Variants in MTAP observed in about 807,000 individuals in gnomAD.
MTAP encodes S-methyl-5'-thioadenosine phosphorylase.
A neutral mutation model predicts 33.6 loss-of-function variants in MTAP; 33 were observed. The observed-to-expected ratio is 0.98, with a 90% CI of 0.74 to 1.31. The LOEUF is 1.31. Ranked by LOEUF, MTAP falls within the 40% of genes most tolerant of loss-of-function variation. MTAP has a pLI of 0.00. For missense variants in MTAP, 367 were observed against 360.0 expected, an observed-to-expected ratio of 1.02 and a Z score of -0.16; for synonymous variants, 148 against 125.7, an observed-to-expected ratio of 1.18 and a Z score of -1.19.
intron 1 of MTAP, among the ~76,000 whole-genome samples, chr9:21,923,046 G>A (rs1296805130): frequency 6.6e-6 from 1 of 152,156 alleles, no homozygotes; most frequent in Non-Finnish European, 1.5e-5. Flanking sequence ...TACCTCAGGG[G>A]CAAGTCTGTC....
At chr9:21,835,995 T>C (rs1051158346) in intron 4 of MTAP, among the ~76,000 whole-genome samples, 1 of 152,084 alleles carries the variant, frequency 6.6e-6, no homozygotes, top group Non-Finnish European at 1.5e-5. Context: ...AGCCCTTGCT[T>C]CTCCCCCAGG....
intron 1 of MTAP, among the ~76,000 whole-genome samples, chr9:21,899,931 A>G (rs1321655685): frequency 6.6e-6 from 1 of 152,218 alleles, no homozygotes; most frequent in Non-Finnish European, 1.5e-5. Flanking sequence ...CAATGGGGAA[A>G]GGACTCCCTA....
intron 1 of MTAP, among the ~76,000 whole-genome samples, chr9:21,885,519 A>G (rs1488342915): frequency 6.6e-6 from 1 of 152,016 alleles, no homozygotes; most frequent in Admixed American, 6.6e-5. Flanking sequence ...TGGTACACCC[A>G]TCACCCAAGC....
intron 1 of MTAP, among the ~76,000 whole-genome samples, chr9:21,898,313 C>T (rs976731235): frequency 6.6e-5 from 10 of 152,134 alleles, no homozygotes; most frequent in Non-Finnish European, 1.3e-4. Context: ...ATTCAGGACA[C>T]AGGCATGGGC....
chr9:21,898,370 A>C (rs1362889941), intron 1 of MTAP, among the ~76,000 whole-genome samples: 8 of 152,244 alleles, frequency 5.3e-5, no homozygotes, highest in Non-Finnish European at 1.0e-4. Flanking sequence ...ACAAAAGCCA[A>C]AATTGACAAA....
At chr9:21,916,051 A>AGAGG (rs201860768) in intron 1 of MTAP, among the ~76,000 whole-genome samples, 12 of 113,304 alleles carry the variant, frequency 1.1e-4, no homozygotes, top group South Asian at 3.6e-4. Context: ...AGAAGGAGAG[A>AGAGG]GAGGGAGGGA....
intron 3 of MTAP, among the ~76,000 whole-genome samples, chr9:21,817,171 G>T (rs932394548): frequency 1.3e-5 from 2 of 152,214 alleles, no homozygotes; most frequent in African/African-American, 4.8e-5. Context: ...GGTTACTTGT[G>T]TCTGTGCTGT....
intron 4 of MTAP, among the ~76,000 whole-genome samples, chr9:21,833,529 T>G (rs1825024722): frequency 6.6e-6 from 1 of 152,222 alleles, no homozygotes; most frequent in Non-Finnish European, 1.5e-5. Flanking sequence ...GATGTTTCTG[T>G]CAGAATTTTT....
At chr9:21,811,876 C>T (rs1027810920) in intron 1 of MTAP, 2 of 409,954 alleles carry the variant, frequency 4.9e-6, no homozygotes, top group African/African-American at 4.1e-5. Flanking sequence ...ATCTTTAGCC[C>T]TGAGGGTGGG....
chr9:21,858,319 T>TA (rs1825680967), intron 6 of MTAP, among the ~76,000 whole-genome samples: 1 of 152,210 alleles, frequency 6.6e-6, no homozygotes, highest in African/African-American at 2.4e-5. Context: ...TTGAAATCTG[T>TA]ATTAGTCTGT....
chr9:21,808,173 C>A (rs1273414944), intron 1 of MTAP, among the ~76,000 whole-genome samples: 2 of 152,192 alleles, frequency 1.3e-5, no homozygotes, highest in African/African-American at 4.8e-5. Context: ...AGTTTGACAG[C>A]CACTGACCTA....
At chr9:21,814,853 C>T (rs764784405) in intron 1 of MTAP, among the ~76,000 whole-genome samples, 8 of 152,026 alleles carry the variant, frequency 5.3e-5, no homozygotes. Context: ...AATGTATATG[C>T]GGGTAACTTT....
intron 1 of MTAP, among the ~76,000 whole-genome samples, chr9:21,928,738 A>G (rs914294847): frequency 3.9e-5 from 6 of 152,228 alleles, no homozygotes; most frequent in Non-Finnish European, 7.4e-5. Flanking sequence ...TGCATCCTCA[A>G]TAATCTCTGT....
intron 1 of MTAP, among the ~76,000 whole-genome samples, chr9:21,909,509 A>G (rs1818533480): frequency 6.6e-6 from 1 of 152,098 alleles, no homozygotes. Flanking sequence ...GCTATTCAAA[A>G]CCAACTACAA....
At position 21,907,719 on chromosome 9, in the gene MTAP, T is replaced by A. The variant is rs527364666; in HGVS notation, c.148-23289T>A. Among the ~76,000 whole-genome samples, 4 of 152,252 alleles carry A rather than the reference T, an allele frequency of 2.6e-5. No individual in the cohort carries two copies. The East Asian group carries it at 7.7e-4, about 29-fold the overall frequency. ...TAATTCCTGGTGGTCATAGAAAATCTGAAAGACATATATAAGTCACAAGAA... is the reference window on the plus strand; with the variant it reads ...TAATTCCTGGTGGTCATAGAAAATCAGAAAGACATATATAAGTCACAAGAA... On this transcript the variant is annotated intron_variant, in intron 1 of 1. Coordinates refer to the MTAP transcript ENST00000577563.
At chr9:21,887,272 C>T (rs749501810) in intron 1 of MTAP, among the ~76,000 whole-genome samples, 2 of 152,012 alleles carry the variant, frequency 1.3e-5, no homozygotes, top group Non-Finnish European at 2.9e-5. Flanking sequence ...TCCCCCCACC[C>T]CATAATAGGC....
At chr9:21,930,073 G>C in intron 1 of MTAP, 1 of 455,198 alleles carries the variant, frequency 2.2e-6, no homozygotes, top group Admixed American at 2.2e-5. Flanking sequence ...GAAATTTCTA[G>C]TTCCAGCCTG....
downstream of MTAP, among the ~76,000 whole-genome samples, chr9:21,940,074 A>T (rs1819111905): frequency 6.6e-6 from 1 of 152,126 alleles, no homozygotes; most frequent in Admixed American, 6.5e-5. Context: ...TGAGGTCGGG[A>T]GTTTGAAACC....
At position 21,854,237 on chromosome 9, in the gene MTAP, G is replaced by A. The variant is rs192869926; in HGVS notation, c.451-394G>A. ...ACACCTGTTTGAGAAGATAAGCGAC[G>A]AGAGGCACCTTAGCTTAGCCTGCGA... On this transcript the variant is annotated intron_variant, in intron 5 of 7. Transcript: ENST00000644715. 2.7e-4 allele frequency among the ~76,000 whole-genome samples: 41 copies of A among 152,332 alleles called. No individual in the cohort carries two copies. The East Asian group carries it at 7.3e-3, about 27-fold the overall frequency.
Sources: gnomAD v4.1 joint callset for allele counts (sites outside exome capture counted in the v4.1 genomes callset) on GRCh38, gnomAD v4.1.1 for gene constraint, MANE v1.5 for transcripts, NCBI Gene and HGNC (gene_info 2026-07-23, HGNC 2026-07-21) for gene names.